The following HADHB variants were observed in gnomAD, a reference collection of about 807,000 sequenced individuals.
HADHB encodes hydroxyacyl-CoA dehydrogenase trifunctional multienzyme complex subunit beta, also known as trifunctional enzyme subunit beta, mitochondrial.
A neutral mutation model predicts 61.9 loss-of-function variants in HADHB; 50 were observed. That is an observed-to-expected ratio of 0.81 (90% CI 0.64 to 1.02). The LOEUF (loss-of-function observed/expected upper bound fraction) is 1.02. Ranked by LOEUF, HADHB falls within the 50% of genes least tolerant of loss-of-function variation. The probability of loss-of-function intolerance (pLI) is 0.00; values close to 1 mark genes in which losing one functional copy is unlikely to be tolerated. For missense variants in HADHB, 504 were observed against 586.5 expected, an observed-to-expected ratio of 0.86 and a Z score of 1.45; for synonymous variants, 191 against 201.6, an observed-to-expected ratio of 0.95 and a Z score of 0.45.
At chr2:26,284,986 A>G (rs1672966540) in intron 14 of HADHB, 29 bp downstream of exon 14, 1 of 1,100,610 alleles carries the variant, frequency 9.1e-7, no homozygotes, top group Admixed American at 1.7e-5. Context: ...AAAATGCGTG[A>G]ATTTTCAAAG....
chr2:26,248,927 C>T (rs549657480), intron 1 of HADHB, among the ~76,000 whole-genome samples: 22 of 152,024 alleles, frequency 1.4e-4, no homozygotes, highest in African/African-American at 4.6e-4. Context: ...CGTGGTGGCA[C>T]GTGCCTGGAG....
intron 1 of HADHB, among the ~76,000 whole-genome samples, chr2:26,247,041 T>C (rs1208370800): frequency 6.6e-6 from 1 of 152,246 alleles, no homozygotes; most frequent in African/African-American, 2.4e-5. Context: ...TTGGACATAG[T>C]CTGGCTTTAG....
At chr2:26,260,681 G>T in intron 3 of HADHB, 1 of 281,190 alleles carries the variant, frequency 3.6e-6, no homozygotes, top group Non-Finnish European at 6.8e-6. Context: ...GGGTTTTTTG[G>T]TGTAGTAATG....
At chr2:26,251,846 A>T (rs932926560) in intron 1 of HADHB, among the ~76,000 whole-genome samples, 1 of 152,164 alleles carries the variant, frequency 6.6e-6, no homozygotes, top group African/African-American at 2.4e-5. Flanking sequence ...CTTTTGTATT[A>T]TCTATTTCTG....
chr2:26,249,326 C>G (rs1243986227), intron 1 of HADHB, among the ~76,000 whole-genome samples: 1 of 151,980 alleles, frequency 6.6e-6, no homozygotes, highest in East Asian at 1.9e-4. Context: ...GCCTGATCAA[C>G]ACGGTGAAAT....
At chr2:26,259,360 A>G (rs1388482749) in intron 3 of HADHB, among the ~76,000 whole-genome samples, 1 of 152,260 alleles carries the variant, frequency 6.6e-6, no homozygotes, top group East Asian at 1.9e-4. Context: ...GTGTAGGCAC[A>G]GTGATGAAAG....
At chr2:26,252,689 A>G (rs753616520) in intron 1 of HADHB, among the ~76,000 whole-genome samples, 1 of 152,214 alleles carries the variant, frequency 6.6e-6, no homozygotes, top group Non-Finnish European at 1.5e-5. Flanking sequence ...TTACAGCTGC[A>G]TAGTATTTCA....
intron 1 of HADHB, 197 bp downstream of exon 1, chr2:26,245,187 C>T: frequency 5.3e-6 from 1 of 187,636 alleles, no homozygotes; most frequent in East Asian, 1.2e-4. Flanking sequence ...ACTAGCGTTC[C>T]AGCTGAAGTT....
In HADHB at chr2:26,288,321, G is replaced by A. The variant is rs543834260; in HGVS notation, c.1390-1597G>A. Among the ~76,000 whole-genome samples the A allele has an allele frequency of 1.3e-4, 20 of 152,158 alleles. 1 individual carries two copies. The South Asian group carries it at 3.7e-3, about 28-fold the overall frequency. On this transcript the variant is annotated intron_variant, in intron 15 of 15. Coordinates refer to ENST00000317799, the MANE Select transcript of HADHB (RefSeq NM_000183.3). ...AATAAAATAAGCAAGCCAGAGAGGA[G>A]TAGTCTACCTTATTATGAATTCTTT...
At chr2:26,287,812 T>TTTAGCATGGCCTC (rs1673098541) in intron 15 of HADHB, among the ~76,000 whole-genome samples, 1 of 152,172 alleles carries the variant, frequency 6.6e-6, no homozygotes, top group African/African-American at 2.4e-5. Flanking sequence ...TTGTAGGGTG[T>TTTAGCATGGCCTC]TTAGCATGGC....
At chr2:26,257,268 C>T (rs1442901944) in intron 3 of HADHB, among the ~76,000 whole-genome samples, 1 of 151,886 alleles carries the variant, frequency 6.6e-6, no homozygotes, top group Non-Finnish European at 1.5e-5. Flanking sequence ...CTACAGGTGC[C>T]CGCCAACACA....
chr2:26,279,029 G>A, intron 8 of HADHB, 106 bp from the exon 9 acceptor site: 1 of 1,012,600 alleles, frequency 9.9e-7, no homozygotes, highest in Non-Finnish European at 1.6e-6. Flanking sequence ...ATTGATTAAT[G>A]GTAGACAAAT....
intron 5 of HADHB, among the ~76,000 whole-genome samples, chr2:26,270,893 T>C (rs1331651493): frequency 6.7e-6 from 1 of 149,738 alleles, no homozygotes; most frequent in Non-Finnish European, 1.5e-5. Context: ...TTTTTTTTTT[T>C]TTTGAGACGG....
chr2:26,278,521 C>T lies in HADHB; in HGVS notation c.443-93C>T, dbSNP rs17600515. ...TACAGATGTTGTACAAAGCTGATAA[C>T]TGTCATTCAGCTTTTTAATCAAGAA... On this transcript the variant is annotated intron_variant, in intron 7 of 15. Transcript: ENST00000317799. 0.044 allele frequency: 46,156 copies of T among 1,052,070 alleles called. 1,153 individuals are homozygous for T. The highest frequency in any genetic ancestry group is 0.073 in the Middle Eastern group (293 of 4,000). The allele number at this position is 1,052,070 out of a possible 1,614,324, so 65.2% of individuals were successfully genotyped here.
In HADHB at chr2:26,244,954, T is replaced by G; in HGVS notation, c.-45T>G. The G allele has an allele frequency of 3.0e-6, 1 of 331,504 alleles. No homozygotes were observed. Among genetic ancestry groups the G allele is most frequent in the South Asian group, 3.0e-5 (1 of 33,516 alleles). The allele number at this position is 331,504 out of a possible 1,614,324, so 20.5% of individuals were successfully genotyped here. On this transcript the variant is annotated 5_prime_UTR_variant, in exon 1 of 16. Transcript: ENST00000317799. ...GAGCCTTGGTACTTGGACCTGAACCTTGCTCCGAGAGGGAGTCCTCGCGGA... is the reference window on the plus strand; with the variant it reads ...GAGCCTTGGTACTTGGACCTGAACCGTGCTCCGAGAGGGAGTCCTCGCGGA...
In HADHB at chr2:26,285,537, A is replaced by G; in HGVS notation, c.1355A>G (p.Tyr452Cys). 1 of 1,614,062 alleles carries G rather than the reference A, an allele frequency of 6.2e-7. No homozygotes were observed. The highest frequency in any genetic ancestry group is 8.5e-7 in the Non-Finnish European group (1 of 1,179,984). The change falls in exon 15 of 16, where the codon TAT becomes TGT. Residue 452 changes from tyrosine to cysteine, a missense_variant. By Grantham distance (194) the Tyr-to-Cys change is radical (BLOSUM62 -2). Coordinates refer to ENST00000317799, the MANE Select transcript of HADHB (RefSeq NM_000183.3). The part of the protein sequence containing the change: ...ANRLRKEGGQ[Y>C]GLVAACAAGG... ...AGATTACGGAAAGAAGGAGGCCAGT[A>G]TGGCTTAGTGGCTGCGTGTGCAGCT...
In HADHB at chr2:26,248,972, G is replaced by A. The variant is rs376284381; in HGVS notation, c.-9+3982G>A. On this transcript the variant is annotated intron_variant, in intron 1 of 15. Coordinates refer to ENST00000317799, the MANE Select transcript of HADHB (RefSeq NM_000183.3). ...CTCGGGAGGCTGAGGCAGGAGAATC[G>A]CTTGAACCCAGGAGGTGGAGGTTGC... 9.9e-5 allele frequency among the ~76,000 whole-genome samples: 15 copies of A among 152,056 alleles called. No homozygotes were observed. In the East Asian group the frequency reaches 1.2e-3, roughly 12 times the overall value.
At chr2:26,285,043 G>T in intron 14 of HADHB, 86 bp downstream of exon 14, 2 of 771,454 alleles carry the variant, frequency 2.6e-6, no homozygotes, top group South Asian at 1.5e-5. Flanking sequence ...GAATATGAAG[G>T]GAAAGCTTCT....
intron 12 of HADHB, among the ~76,000 whole-genome samples, chr2:26,283,252 C>T (rs901998232): frequency 3.9e-5 from 6 of 152,122 alleles, no homozygotes; most frequent in African/African-American, 1.2e-4. Context: ...TGGCCGGGCA[C>T]GGTGGCTCAC....
Sources: allele counts gnomAD v4.1 joint callset (sites outside exome capture counted in the v4.1 genomes callset), GRCh38; gene constraint gnomAD v4.1.1; transcripts MANE v1.5; gene names NCBI Gene and HGNC (gene_info 2026-07-23, HGNC 2026-07-21).